ARID4A: variants seen among roughly 807,000 people sequenced by gnomAD.
ARID4A encodes AT-rich interaction domain 4A.
Under a neutral mutation model 148.6 loss-of-function variants are expected in ARID4A, and 39 were observed. The observed-to-expected ratio is 0.26, with a 90% CI of 0.20 to 0.34. The LOEUF (loss-of-function observed/expected upper bound fraction) is 0.34, where lower values mean the gene tolerates loss of function less well. Ranked by LOEUF, ARID4A falls within the 10% of genes least tolerant of loss-of-function variation. The pLI, the probability that ARID4A is intolerant of heterozygous loss-of-function variation, is 1.00. For synonymous variants in ARID4A, 475 were observed against 481.2 expected (o/e 0.99, Z 0.17); for missense variants, 1,265 against 1,449.1 (o/e 0.87, Z 2.06).
At chr14:58,318,843 T>C in intron 7 of ARID4A, 38 bp downstream of exon 7, 2 of 1,518,100 alleles carry the variant, frequency 1.3e-6, no homozygotes, top group Non-Finnish European at 1.8e-6. Flanking sequence ...TTAATTACAA[T>C]TATTATAACC....
At position 58,330,091 on chromosome 14, in the gene ARID4A, T is replaced by C; in HGVS notation, c.828T>C (p.Ser276=). ...MDISEILESS[S]SDDEDGPAEE... The stretch of plus-strand genomic sequence containing the variant: ...TAAGTGAAATCCTTGAGTCATCCAG[T>C]AGTGATGATGAAGATGGCCCAGCTG... Residue 276 remains serine (S), a synonymous_variant, in exon 11 of 24, where the codon AGT becomes AGC. Transcript: ENST00000355431. The C allele has an allele frequency of 1.9e-6, 3 of 1,613,452 alleles. No homozygotes were observed. The highest frequency in any genetic ancestry group is 2.5e-6 in the Non-Finnish European group (3 of 1,179,782).
intron 15 of ARID4A, among the ~76,000 whole-genome samples, chr14:58,348,390 G>C (rs542379036): frequency 1.3e-5 from 2 of 152,172 alleles, no homozygotes; most frequent in Non-Finnish European, 2.9e-5. Context: ...CATAATAAAG[G>C]CTTATTAAAT....
chr14:58,324,449 A>T (rs1336450229), intron 8 of ARID4A, among the ~76,000 whole-genome samples: 1 of 151,484 alleles, frequency 6.6e-6, no homozygotes, highest in African/African-American at 2.4e-5. Context: ...CTATTTTTTT[A>T]TTTTTTATTT....
intron 5 of ARID4A, 81 bp from the exon 6 acceptor site, chr14:58,318,461 T>G: frequency 7.8e-7 from 1 of 1,289,264 alleles, no homozygotes; most frequent in Non-Finnish European, 1.1e-6. Flanking sequence ...CTCTAATTAA[T>G]AGCAATAATA....
chr14:58,358,979 CA>C (rs2035010177), intron 17 of ARID4A, among the ~76,000 whole-genome samples, 152 bp from the exon 18 acceptor site: 1 of 152,172 alleles, frequency 6.6e-6, no homozygotes, highest in Admixed American at 6.5e-5. Context: ...ATGTTACCAG[CA>C]AACCAGCCCC....
intron 5 of ARID4A, among the ~76,000 whole-genome samples, chr14:58,310,353 C>T (rs2031933721): frequency 6.6e-6 from 1 of 152,000 alleles, no homozygotes; most frequent in East Asian, 1.9e-4. Flanking sequence ...TGGAGACATA[C>T]CACCTGATTT....
intron 11 of ARID4A, among the ~76,000 whole-genome samples, chr14:58,340,004 G>A (rs910516888): frequency 6.6e-6 from 1 of 152,090 alleles, no homozygotes; most frequent in African/African-American, 2.4e-5. Context: ...GTCCCTCCCC[G>A]AGTATTGGGG....
intron 5 of ARID4A, among the ~76,000 whole-genome samples, chr14:58,315,239 TA>T (rs895733095): frequency 2.6e-5 from 4 of 151,846 alleles, no homozygotes; most frequent in African/African-American, 4.8e-5. Flanking sequence ...TCTCTTTTTT[TA>T]AAAAAAAATT....
intron 8 of ARID4A, among the ~76,000 whole-genome samples, chr14:58,324,277 CG>C (rs2033095399): frequency 1.3e-5 from 2 of 152,044 alleles, no homozygotes; most frequent in South Asian, 4.2e-4. Flanking sequence ...ATAGAGAAAT[CG>C]TTTTTTCTTG....
At chr14:58,337,267 T>TATATGTATATATATATATATAA in intron 11 of ARID4A, among the ~76,000 whole-genome samples, 1 of 137,760 alleles carries the variant, frequency 7.3e-6, no homozygotes, top group South Asian at 2.3e-4. Flanking sequence ...TATATATATA[T>TATATGTATATATATATATATAA]AATTAAAACC....
chr14:58,315,359 G>A (rs2032340031), intron 5 of ARID4A, among the ~76,000 whole-genome samples: 1 of 151,958 alleles, frequency 6.6e-6, no homozygotes, highest in Non-Finnish European at 1.5e-5. Context: ...TTCAAAAATT[G>A]CTGAAATATT....
At chr14:58,343,791 T>G (rs565133526) in intron 11 of ARID4A, among the ~76,000 whole-genome samples, 1 of 151,784 alleles carries the variant, frequency 6.6e-6, no homozygotes, top group South Asian at 2.1e-4. Flanking sequence ...GGTCGTGCCA[T>G]TACACTCCAG....
intron 3 of ARID4A, among the ~76,000 whole-genome samples, chr14:58,304,516 T>C (rs2140134388): frequency 6.6e-6 from 1 of 152,350 alleles, no homozygotes; most frequent in South Asian, 2.1e-4. Context: ...TTAGCTTCAC[T>C]TTATAAAGGA....
chr14:58,310,713 T>TG (rs2140145338), intron 5 of ARID4A, among the ~76,000 whole-genome samples: 1 of 151,220 alleles, frequency 6.6e-6, no homozygotes, highest in Admixed American at 6.6e-5. Context: ...GCCCGGGCAT[T>TG]GATTTTTTTT....
chr14:58,368,525 C>A (rs899086994), intron 23 of ARID4A, among the ~76,000 whole-genome samples: 2 of 149,980 alleles, frequency 1.3e-5, no homozygotes, highest in Admixed American at 6.6e-5. Flanking sequence ...AAGGCAGAAG[C>A]CAAAGTAGAA....
chr14:58,328,859 G>C (rs1277075813), intron 9 of ARID4A, among the ~76,000 whole-genome samples: 1 of 151,716 alleles, frequency 6.6e-6, no homozygotes, highest in Non-Finnish European at 1.5e-5. Flanking sequence ...CGGGTGTGGT[G>C]GTGCATGCCT....
chr14:58,361,531 T>C (rs541664374), intron 19 of ARID4A, among the ~76,000 whole-genome samples: 24 of 152,326 alleles, frequency 1.6e-4, no homozygotes, highest in African/African-American at 5.1e-4. Context: ...CTTACACTTA[T>C]TCACACATAA....
intron 2 of ARID4A, among the ~76,000 whole-genome samples, chr14:58,301,171 GTTAATA>G (rs759217099): frequency 2.4e-4 from 37 of 152,116 alleles, no homozygotes; most frequent in Non-Finnish European, 4.4e-5. Context: ...TATTGTTAGT[GTTAATA>G]TTAGTAGCAA....
At chr14:58,346,076 A>G (rs1009529357) in intron 12 of ARID4A, among the ~76,000 whole-genome samples, 5 of 151,488 alleles carry the variant, frequency 3.3e-5, no homozygotes, top group African/African-American at 1.2e-4. Context: ...TGTTGGCCAC[A>G]CCATGCAGTG....
Sources: allele counts gnomAD v4.1 joint callset (sites outside exome capture counted in the v4.1 genomes callset), GRCh38; gene constraint gnomAD v4.1.1; transcripts MANE v1.5; gene names NCBI Gene and HGNC (gene_info 2026-07-23, HGNC 2026-07-21).